Variants in G6PC1 observed in about 807,000 individuals in gnomAD.
The protein encoded by G6PC1 is glucose-6-phosphatase catalytic subunit 1, also known as G-6-Pase.
G6PC1 carries 23 observed loss-of-function variants against 30.4 expected under a neutral mutation model. The ratio of observed to expected loss-of-function variants is 0.76; its 90% CI spans 0.55 to 1.07. The LOEUF is 1.07. Ranked by LOEUF, G6PC1 falls within the 50% of genes least tolerant of loss-of-function variation. The pLI is 0.00. For synonymous variants in G6PC1, 163 were observed against 175.6 expected, an observed-to-expected ratio of 0.93 and a Z score of 0.57; for missense variants, 391 against 433.9, an observed-to-expected ratio of 0.90 and a Z score of 0.88.
intron 2 of G6PC1, 89 bp downstream of exon 2, chr17:42,904,129 G>T (rs1334061892): frequency 6.9e-6 from 6 of 872,894 alleles, no homozygotes; most frequent in South Asian, 5.3e-5. Context: ...CATGAGGAGA[G>T]CCATTCCTTT....
At chr17:42,901,172 C>G in intron 1 of G6PC1, 66 bp downstream of exon 1, 1 of 1,389,322 alleles carries the variant, frequency 7.2e-7, no homozygotes, top group Non-Finnish European at 1.0e-6. Flanking sequence ...CAATGTCTGT[C>G]CATCAGAAGT....
chr17:42,910,621 G>A lies in G6PC1; in HGVS notation c.563-294G>A, dbSNP rs143303482. Among the ~76,000 whole-genome samples the A allele has an allele frequency of 9.0e-4, 137 of 152,222 alleles. 1 individual carries two copies. The highest frequency in any genetic ancestry group is 3.2e-3 in the African/African-American group (132 of 41,536). On this transcript the variant is annotated intron_variant, in intron 4 of 4. Coordinates refer to ENST00000253801, the MANE Select transcript of G6PC1 (RefSeq NM_000151.4). The stretch of plus-strand genomic sequence containing the variant: ...AGATAAAATGGACTGTTATAGTGGG[G>A]GTGAGCTCCCTACCTCTGAGGGTAT...
rs753012050 is a variant in G6PC1 at position 42,911,462 on chromosome 17, C to T, written c.*36C>T. 1 of 1,613,666 alleles carries T rather than the reference C, an allele frequency of 6.2e-7. No individual in the cohort carries two copies. Among genetic ancestry groups the T allele is most frequent in the South Asian group, 1.1e-5 (1 of 90,982 alleles). Reference sequence around the variant, plus strand: ...GTCTTCGGTGTTTAAAGTCAACAACCATGCCAGGGATTGAGGAGGACTACT... The same window carrying T: ...GTCTTCGGTGTTTAAAGTCAACAACTATGCCAGGGATTGAGGAGGACTACT... On this transcript the variant is annotated 3_prime_UTR_variant, in exon 5 of 5. Coordinates refer to ENST00000253801, the MANE Select transcript of G6PC1 (RefSeq NM_000151.4).
intron 2 of G6PC1, 21 bp from the exon 3 acceptor site, chr17:42,907,502 A>G (rs1218096736): frequency 7.0e-6 from 11 of 1,567,906 alleles, no homozygotes; most frequent in Non-Finnish European, 8.8e-6. Context: ...CCTTTACTCC[A>G]TTCTCTTTCC....
rs192317058 is a variant in G6PC1, at chr17:42,906,604, A to G, written c.341-919A>G. ...GAATGGGATGGGAACCAGACGGGCC[A>G]TGGTGGCTCACACCTATAATCCCAA... is the stretch of plus-strand genomic sequence containing the variant. On this transcript the variant is annotated intron_variant, in intron 2 of 4. Coordinates refer to ENST00000253801, the MANE Select transcript of G6PC1 (RefSeq NM_000151.4). 6.5e-3 allele frequency among the ~76,000 whole-genome samples: 995 copies of G among 152,258 alleles called. 8 individuals carry two copies. Among genetic ancestry groups the G allele is most frequent in the African/African-American group, 0.023 (955 of 41,554 alleles).
rs1208402227 is a variant in G6PC1 at position 42,914,301 on chromosome 17, T to C, written c.*2875T>C. Among the ~76,000 whole-genome samples the C allele has an allele frequency of 6.6e-6, 1 of 151,978 alleles. No individual in the cohort carries two copies. The highest frequency in any genetic ancestry group is 1.5e-5 in the Non-Finnish European group (1 of 68,002). On this transcript the variant is annotated 3_prime_UTR_variant, in exon 5 of 5. Coordinates refer to ENST00000253801, the MANE Select transcript of G6PC1 (RefSeq NM_000151.4). The stretch of plus-strand genomic sequence containing the variant: ...GCATAGCCCCATCCTTGATAATCTA[T>C]TTGCTCCCAAGGACCAAGTCCAAGA...
intron 4 of G6PC1, among the ~76,000 whole-genome samples, chr17:42,910,086 C>T (rs2056086301): frequency 6.6e-6 from 1 of 151,958 alleles, no homozygotes. Flanking sequence ...CTCCTGACCT[C>T]GTGATCCGCC....
rs113390675 is a variant in G6PC1 at position 42,914,099 on chromosome 17, CT to C, written c.*2687del. Among the ~76,000 whole-genome samples the C allele has an allele frequency of 0.048, 6,874 of 142,566 alleles. 479 individuals are homozygous for C. Among genetic ancestry groups the C allele is most frequent in the African/African-American group, 0.15 (6,025 of 39,402 alleles). 93.5% of individuals were successfully genotyped at this position (142,566 alleles called of 152,430 possible). ...CCCAACCAGGGAGAAAGAAAATAGT[CT>C]TTTTTTTTTTTTTAATAGAGATGGG... On this transcript the variant is annotated 3_prime_UTR_variant, in exon 5 of 5. Coordinates refer to ENST00000253801, the MANE Select transcript of G6PC1 (RefSeq NM_000151.4).
chr17:42,906,800 A>G (rs2056064719), intron 2 of G6PC1, among the ~76,000 whole-genome samples: 1 of 152,128 alleles, frequency 6.6e-6, no homozygotes, highest in Non-Finnish European at 1.5e-5. Flanking sequence ...GGATTGCTTG[A>G]GTCCAGGAGG....
Position 42,911,744 on chromosome 17 carries a change from C to G in G6PC1, c.*318C>G, listed in dbSNP as rs1346730240. ...GGGAGCTCACTCCCACTGGAACAGCCCATTTTATCTTTGAATGGTCTTCTG... is the reference window on the plus strand; with the variant it reads ...GGGAGCTCACTCCCACTGGAACAGCGCATTTTATCTTTGAATGGTCTTCTG... On this transcript the variant is annotated 3_prime_UTR_variant, in exon 5 of 5. Coordinates refer to ENST00000253801, the MANE Select transcript of G6PC1 (RefSeq NM_000151.4). 1 of 417,910 alleles carries G rather than the reference C, an allele frequency of 2.4e-6. No individual in the cohort carries two copies. The highest frequency in any genetic ancestry group is 2.0e-5 in the African/African-American group (1 of 49,564). The allele number at this position is 417,910 out of a possible 1,614,324, so 25.9% of individuals were successfully genotyped here.
chr17:42,911,516 A>G lies in G6PC1; in HGVS notation c.*90A>G. On this transcript the variant is annotated 3_prime_UTR_variant, in exon 5 of 5. Transcript: ENST00000253801. ...TGAAGCAATGGGCACTGGTATTTGG[A>G]GCAAGTGACATGCCATCCATTCTGC... The G allele has an allele frequency of 6.4e-7, 1 of 1,572,748 alleles. No homozygotes were observed. Among genetic ancestry groups the G allele is most frequent in the Non-Finnish European group, 8.7e-7 (1 of 1,149,784 alleles).
Position 42,909,424 on chromosome 17 carries a change from G to A in G6PC1, c.562+6G>A, listed in dbSNP as rs2056082371. ...TGTTGCTGGAGTCCTGTCAGGTATG[G>A]GCTGATCTGACTCCCTTCCTTCTCC... is the stretch of plus-strand genomic sequence containing the variant. On this transcript the variant is annotated splice_donor_region_variant and intron_variant, in intron 4 of 4. Transcript: ENST00000253801. 1 of 1,597,948 alleles carries A rather than the reference G, an allele frequency of 6.3e-7. No homozygotes were observed. Among genetic ancestry groups the A allele is most frequent in the Non-Finnish European group, 8.6e-7 (1 of 1,165,350 alleles).
chr17:42,908,321 G>A lies in G6PC1; in HGVS notation c.446+693G>A, dbSNP rs140523549. 7.1e-3 allele frequency among the ~76,000 whole-genome samples: 1,078 copies of A among 151,802 alleles called. 8 individuals are homozygous for A. The highest frequency in any genetic ancestry group is 8.4e-3 in the Non-Finnish European group (572 of 67,958). ...TGGGATTACAGGCATGAGCCACCGCGCCAGCCATGCAAATCCTTAATTATC... is the reference window on the plus strand; with the variant it reads ...TGGGATTACAGGCATGAGCCACCGCACCAGCCATGCAAATCCTTAATTATC... On this transcript the variant is annotated intron_variant, in intron 3 of 4. Coordinates refer to ENST00000253801, the MANE Select transcript of G6PC1 (RefSeq NM_000151.4).
Position 42,903,948 on chromosome 17 carries a change from G to A in G6PC1, c.248G>A (p.Arg83His), listed in dbSNP as rs1801176. 41 of 1,612,494 alleles carry A rather than the reference G, an allele frequency of 2.5e-5. No homozygotes were observed. In the East Asian group the frequency reaches 2.7e-4, roughly 11 times the overall value. The change falls in exon 2 of 5, where the codon CGT (arginine) becomes CAT (histidine). Residue 83 changes from arginine (R) to histidine (H), a missense_variant. Coordinates refer to ENST00000253801, the MANE Select transcript of G6PC1 (RefSeq NM_000151.4). ...LVFKWILFGQRPYWWVLDTDY... is the reference protein window; with the variant it reads ...LVFKWILFGQHPYWWVLDTDY... Reference sequence around the variant, plus strand: ...TTCCATAGGATTCTCTTTGGACAGCGTCCATACTGGTGGGTTTTGGATACT... The same window carrying A: ...TTCCATAGGATTCTCTTTGGACAGCATCCATACTGGTGGGTTTTGGATACT...
intron 2 of G6PC1, among the ~76,000 whole-genome samples, chr17:42,905,781 G>A (rs1252223632): frequency 6.6e-6 from 1 of 151,884 alleles, no homozygotes; most frequent in Non-Finnish European, 1.5e-5. Context: ...GGTGGCTCAC[G>A]CCTGTAATCC....
chr17:42,902,787 C>G (rs1328837269), intron 1 of G6PC1, among the ~76,000 whole-genome samples: 5 of 152,222 alleles, frequency 3.3e-5, no homozygotes. Context: ...GTCTGAGATA[C>G]TCTGTTTCAA....
Position 42,900,846 on chromosome 17 carries a change from G to A in G6PC1, c.-31G>A. 6.3e-7 allele frequency: 1 copy of A among 1,578,064 alleles called. No individual in the cohort carries two copies. Among genetic ancestry groups the A allele is most frequent in the East Asian group, 2.2e-5 (1 of 44,680 alleles). ...CTGGAATAACTGCAAGGGCTCTGCT[G>A]ACATCTTCCTGAGGTGCCAAGGAAA... On this transcript the variant is annotated 5_prime_UTR_variant, in exon 1 of 5. Coordinates refer to ENST00000253801, the MANE Select transcript of G6PC1 (RefSeq NM_000151.4).
chr17:42,904,163 T>C, intron 2 of G6PC1, 123 bp downstream of exon 2: 1 of 754,734 alleles, frequency 1.3e-6, no homozygotes. Flanking sequence ...GCTCTTCAAT[T>C]GGCACAAATT....
At chr17:42,909,173 C>T in intron 3 of G6PC1, 130 bp from the exon 4 acceptor site, 2 of 792,458 alleles carry the variant, frequency 2.5e-6, no homozygotes, top group Middle Eastern at 2.8e-4. Flanking sequence ...CTTTTGAGTA[C>T]TGGCTTTAAT....
Sources: allele counts gnomAD v4.1 joint callset (sites outside exome capture counted in the v4.1 genomes callset), GRCh38; gene constraint gnomAD v4.1.1; transcripts MANE v1.5; gene names NCBI Gene and HGNC (gene_info 2026-07-23, HGNC 2026-07-21).